Variants in COL6A5 observed in about 807,000 individuals in gnomAD.
The protein encoded by COL6A5 is collagen alpha-5(VI) chain.
In COL6A5, 48 loss-of-function variants were observed where a neutral mutation model predicts 65.6. The observed-to-expected ratio is 0.73, with a 90% CI of 0.58 to 0.93. COL6A5 has a LOEUF of 0.93. Among genes scored for constraint, COL6A5 ranks in the 40% least tolerant of loss-of-function variants. The pLI is 0.00. For missense variants in COL6A5, 914 were observed against 928.3 expected (o/e 0.98, Z 0.20); for synonymous variants, 291 against 322.8 (o/e 0.90, Z 1.05).
chr3:130,413,431 T>G, intron 20 of COL6A5, 114 bp from the exon 21 acceptor site: 1 of 969,892 alleles, frequency 1.0e-6, no homozygotes, highest in Non-Finnish European at 1.6e-6. Context: ...GGGAAACTGT[T>G]TCTGTGAGCT....
In COL6A5 at chr3:130,401,747, C is replaced by CT. The variant is rs897281687; in HGVS notation, c.4135-8dup. On this transcript the variant is annotated splice_polypyrimidine_tract_variant and intron_variant and NMD_transcript_variant, in intron 11 of 41. Transcript: ENST00000312481. The stretch of plus-strand genomic sequence containing the variant: ...GACAATTGCTATTCCCTCAGCTTTA[C>CT]TTTTTTTCCCCCAGGGAAATATTGC... 24 of 1,543,402 alleles carry CT rather than the reference C, an allele frequency of 1.6e-5. No individual in the cohort carries two copies. The East Asian group carries it at 3.9e-4, about 25-fold the overall frequency.
At chr3:130,414,100 C>T (rs370298182) in exon 22 of COL6A5, 16 of 1,550,724 alleles carry the variant, frequency 1.0e-5, no homozygotes, top group Non-Finnish European at 1.4e-5. Context: ...CCTACAGGCA[C>T]ATTGGGAGCT....
At chr3:130,482,484 C>T (rs1231542254) in intron 7 of COL6A5, among the ~76,000 whole-genome samples, 1 of 152,130 alleles carries the variant, frequency 6.6e-6, no homozygotes, top group Admixed American at 6.6e-5. Flanking sequence ...AGCATGATGC[C>T]TCCAGCTTTG....
chr3:130,363,209 T>G (rs1935205159), intron 1 of COL6A5, among the ~76,000 whole-genome samples: 1 of 152,196 alleles, frequency 6.6e-6, no homozygotes, highest in South Asian at 2.1e-4. Flanking sequence ...GAGTTTGCAT[T>G]TATAACTAAT....
intron 25 of COL6A5, 35 bp from the exon 26 acceptor site, chr3:130,421,118 T>G (rs1326928938): frequency 6.5e-7 from 1 of 1,538,216 alleles, no homozygotes. Context: ...ATTTCCACCT[T>G]TGAGAAATTG....
At chr3:130,397,917 G>A in exon 9 of COL6A5, 2 of 1,550,270 alleles carry the variant, frequency 1.3e-6, no homozygotes, top group Non-Finnish European at 1.7e-6. Context: ...CTGCATCCCG[G>A]GGCCAGGTAT....
At chr3:130,345,771 G>C in exon 1 of COL6A5, 1 of 398,634 alleles carries the variant, frequency 2.5e-6, no homozygotes, top group Non-Finnish European at 4.4e-6. Context: ...CAGGGCACGA[G>C]GCGTTCGCTG....
intron 5 of COL6A5, among the ~76,000 whole-genome samples, chr3:130,456,184 G>A (rs819084): frequency 0.71 from 107,224 of 151,966 alleles, 41,422 homozygotes; most frequent in Non-Finnish European, 0.88. Flanking sequence ...TTATTTTTGT[G>A]GTACCCAGAA....
At chr3:130,397,884 T>C (rs779318419) in exon 9 of COL6A5, 1 of 1,551,690 alleles carries the variant, frequency 6.4e-7, no homozygotes, top group South Asian at 1.2e-5. Context: ...TGCGGTCTCT[T>C]TGGGACACAT....
chr3:130,360,331 A>G (rs1204797908), intron 1 of COL6A5, among the ~76,000 whole-genome samples: 2 of 152,096 alleles, frequency 1.3e-5, no homozygotes, highest in Non-Finnish European at 2.9e-5. Context: ...AATGATAATA[A>G]TTTACACATT....
intron 17 of COL6A5, among the ~76,000 whole-genome samples, chr3:130,408,114 A>T (rs1335208685): frequency 6.6e-6 from 1 of 152,204 alleles, no homozygotes; most frequent in African/African-American, 2.4e-5. Flanking sequence ...AGCGATTTTC[A>T]GGGAACAAGG....
At chr3:130,418,931 G>A (rs1415935017) in exon 25 of COL6A5, 1 of 1,550,566 alleles carries the variant, frequency 6.4e-7, no homozygotes, top group Admixed American at 2.0e-5. Context: ...GAGGAAGACA[G>A]GTATGAAGTT....
At chr3:130,388,281 C>T (rs892077390) in intron 5 of COL6A5, among the ~76,000 whole-genome samples, 1 of 151,886 alleles carries the variant, frequency 6.6e-6, no homozygotes, top group African/African-American at 2.4e-5. Context: ...GGCTGGATGC[C>T]TGGCATTTTA....
intron 23 of COL6A5, 114 bp from the exon 24 acceptor site, chr3:130,416,643 T>C (rs1281149471): frequency 7.3e-6 from 5 of 687,634 alleles, no homozygotes; most frequent in Admixed American, 3.0e-5. Context: ...GATCTTTTGT[T>C]AAGGCTGCAT....
intron 1 of COL6A5, among the ~76,000 whole-genome samples, chr3:130,364,106 G>A (rs1030160359): frequency 6.6e-5 from 10 of 152,130 alleles, no homozygotes; most frequent in African/African-American, 1.2e-4. Context: ...GCTATTAATC[G>A]TTGCACTGGG....
rs1028560987 is a variant in COL6A5 at position 130,397,765 on chromosome 3, A to T, written c.3751A>T (p.Asn1251Tyr). 6.4e-6 allele frequency: 10 copies of T among 1,551,540 alleles called. No homozygotes were observed. In the African/African-American group the frequency reaches 1.2e-4, roughly 19 times the overall value. ...ACAGGTGAGCTTGGCGTTTAAGGTG[A>T]ACAGTGACCAAGGATTCCCTGCCAA... is the stretch of plus-strand genomic sequence containing the variant. The change falls in exon 9 of 42, where the codon AAC becomes TAC. Residue 1251 changes from asparagine (N) to tyrosine (Y), a missense_variant and NMD_transcript_variant. Coordinates refer to the COL6A5 transcript ENST00000312481.
At chr3:130,404,508 A>G (rs1936921135) in intron 13 of COL6A5, among the ~76,000 whole-genome samples, 2 of 152,196 alleles carry the variant, frequency 1.3e-5, no homozygotes, top group African/African-American at 2.4e-5. Context: ...TTCCTCTACA[A>G]TCTAATGGCT....
chr3:130,413,130 G>A (rs1198852306), intron 20 of COL6A5, among the ~76,000 whole-genome samples: 1 of 152,078 alleles, frequency 6.6e-6, no homozygotes, highest in African/African-American at 2.4e-5. Context: ...CTGGAAAGGA[G>A]ATACAATCAG....
At chr3:130,440,581 C>G (rs1347050622) in exon 3 of COL6A5, 1 of 1,613,504 alleles carries the variant, frequency 6.2e-7, no homozygotes, top group Non-Finnish European at 8.5e-7. Flanking sequence ...AACACAAGGT[C>G]ATCTTTGTGG....
Sources: gnomAD v4.1 joint callset for allele counts (sites outside exome capture counted in the v4.1 genomes callset) on GRCh38, gnomAD v4.1.1 for gene constraint, MANE v1.5 for transcripts, NCBI Gene and HGNC (gene_info 2026-07-23, HGNC 2026-07-21) for gene names.